Variants in ITSN1 observed in about 807,000 individuals in gnomAD.
The protein encoded by ITSN1 is intersectin 1.
In ITSN1, 58 loss-of-function variants were observed where a neutral mutation model predicts 239.8. The ratio of observed to expected loss-of-function variants is 0.24; its 90% confidence interval spans 0.20 to 0.30. ITSN1 has a LOEUF of 0.30. ITSN1 is among the 10% of genes least tolerant of loss of function. ITSN1 has a pLI of 1.00. For synonymous variants in ITSN1, 780 were observed against 770.8 expected (o/e 1.01, Z -0.20); for missense variants, 1,558 against 2,103.3 (o/e 0.74, Z 5.07).
rs1377675883 is a variant in ITSN1 at position 33,834,414 on chromosome 21, A to G, written c.3459A>G (p.Ala1153=). 1.1e-5 allele frequency: 17 copies of G among 1,610,338 alleles called. No homozygotes were observed. The highest frequency in any genetic ancestry group is 1.4e-5 in the Non-Finnish European group (17 of 1,177,304). Residue 1153 remains alanine (A), a synonymous_variant, in exon 28 of 40, where the codon GCA becomes GCG. Transcript: ENST00000381318. The stretch of plus-strand genomic sequence containing the variant: ...CAACAGAGCCACCTAAGTCAACAGC[A>G]TTAGCGGCAGGTAAGGAGTTTCGCA... ...ITPTEPPKST[A]LAAVCQVIGM...
chr21:33,766,701 T>C (rs2068743292), intron 10 of ITSN1, among the ~76,000 whole-genome samples: 1 of 152,204 alleles, frequency 6.6e-6, no homozygotes, highest in Admixed American at 6.5e-5. Context: ...AATAGAGCCA[T>C]TACTGTCAGC....
intron 1 of ITSN1, among the ~76,000 whole-genome samples, chr21:33,676,491 G>A (rs1190584656): frequency 6.6e-6 from 1 of 152,134 alleles, no homozygotes; most frequent in Non-Finnish European, 1.5e-5. Context: ...GCCTTTCAAA[G>A]CGCTGGGATT....
intron 29 of ITSN1, among the ~76,000 whole-genome samples, chr21:33,844,539 G>T (rs1227401191): frequency 6.6e-6 from 1 of 152,156 alleles, no homozygotes; most frequent in African/African-American, 2.4e-5. Context: ...CAATCATCCA[G>T]CTTAGATAAG....
chr21:33,874,861 A>C (rs1209655142), intron 33 of ITSN1, among the ~76,000 whole-genome samples: 7 of 151,950 alleles, frequency 4.6e-5, no homozygotes, highest in African/African-American at 1.5e-4. Context: ...GTTGGCCAGG[A>C]TGGTCTCGAT....
At chr21:33,650,391 C>T (rs1016071548) in intron 1 of ITSN1, among the ~76,000 whole-genome samples, 4 of 152,078 alleles carry the variant, frequency 2.6e-5, no homozygotes, top group Non-Finnish European at 5.9e-5. Flanking sequence ...TGGAGCCATT[C>T]GTTTTGTGTG....
rs1985056519 is a variant in ITSN1, at chr21:33,882,213, T to C, written c.4342-30T>C. ...TTCAGATGCGGAGAAACAAAAATGC[T>C]ACACTTTGGGTTTTGTTTTCCTTTC... On this transcript the variant is annotated intron_variant, in intron 34 of 39. Coordinates refer to ENST00000381318, the MANE Select transcript of ITSN1 (RefSeq NM_003024.3). This position sits in a 1 kb window ranked among gnomAD's most constrained non-coding sequence, Gnocchi z 4.5. 1 of 1,599,342 alleles carries C rather than the reference T, an allele frequency of 6.3e-7. No individual in the cohort carries two copies. Among genetic ancestry groups the C allele is most frequent in the South Asian group, 1.1e-5 (1 of 90,078 alleles).
chr21:33,737,399 TGAAGGA>T (rs1330021311), intron 5 of ITSN1, among the ~76,000 whole-genome samples: 1 of 152,192 alleles, frequency 6.6e-6, no homozygotes, highest in African/African-American at 2.4e-5. Context: ...GGCTAAACCA[TGAAGGA>T]TATCAGAACA....
chr21:33,779,361 A>T (rs2069954659), intron 14 of ITSN1, among the ~76,000 whole-genome samples: 1 of 152,088 alleles, frequency 6.6e-6, no homozygotes, highest in African/African-American at 2.4e-5. Flanking sequence ...CAAATTTTTA[A>T]TATGTTGCAT....
intron 29 of ITSN1, among the ~76,000 whole-genome samples, chr21:33,848,368 C>G (rs1250535333): frequency 6.6e-6 from 1 of 152,186 alleles, no homozygotes; most frequent in Non-Finnish European, 1.5e-5. Flanking sequence ...TCAGGAGGAA[C>G]CAGCCCTGTT....
At chr21:33,713,828 CTTT>C (rs35226795) in intron 1 of ITSN1, among the ~76,000 whole-genome samples, 2 of 89,364 alleles carry the variant, frequency 2.2e-5, no homozygotes, top group Non-Finnish European at 1.9e-5. Context: ...CCAGCCTCAT[CTTT>C]TTTTTTTTTT....
intron 1 of ITSN1, among the ~76,000 whole-genome samples, chr21:33,652,339 T>A (rs911711112): frequency 5.3e-5 from 8 of 152,154 alleles, no homozygotes; most frequent in Non-Finnish European, 8.8e-5. Context: ...CACTTTTTAT[T>A]GTTAACACAC....
At chr21:33,830,564 G>C (rs1293474901) in intron 27 of ITSN1, among the ~76,000 whole-genome samples, 1 of 152,082 alleles carries the variant, frequency 6.6e-6, no homozygotes, top group African/African-American at 2.4e-5. Flanking sequence ...AAAACCGTCA[G>C]GATCATAAAA....
At chr21:33,705,414 G>A (rs1332931801) in intron 1 of ITSN1, among the ~76,000 whole-genome samples, 1 of 152,116 alleles carries the variant, frequency 6.6e-6, no homozygotes, top group Non-Finnish European at 1.5e-5. Flanking sequence ...TTGAGACAGA[G>A]TCTCGCTCTA....
In ITSN1 at chr21:33,893,268, G is replaced by A. The variant is rs1317540773; in HGVS notation, c.*4968G>A. ...TTTTGAATGGTTCCGATCAATTAAT[G>A]TTGCTTTGTGTGGGGTTCTTCAGAG... On this transcript the variant is annotated 3_prime_UTR_variant, in exon 40 of 40. Coordinates refer to ENST00000381318, the MANE Select transcript of ITSN1 (RefSeq NM_003024.3). 6.6e-6 allele frequency: 1 copy of A among 152,236 alleles called. No individual in the cohort carries two copies. Among genetic ancestry groups the A allele is most frequent in the African/African-American group, 2.4e-5 (1 of 41,448 alleles). The allele number at this position is 152,236 out of a possible 1,614,324, so 9.4% of individuals were successfully genotyped here. A position where few individuals can be genotyped will look rare whatever the true frequency, so the allele number is the denominator to read the frequency against.
chr21:33,752,927 A>G (rs2067656524), intron 7 of ITSN1, among the ~76,000 whole-genome samples: 1 of 152,204 alleles, frequency 6.6e-6, no homozygotes, highest in Admixed American at 6.5e-5. Context: ...AGAGAAAAGC[A>G]TGTTGAATAT....
In ITSN1 at chr21:33,690,775, G is replaced by GTATA. The variant is rs1160314187; in HGVS notation, c.-32-28011_-32-28008dup. On this transcript the variant is annotated intron_variant, in intron 1 of 39. Transcript: ENST00000381318. Reference sequence around the variant, plus strand: ...GGCTCTGCCTCAGAAAAAAAAAAGTGTATATATATATATACATATATATAT... The same window carrying GTATA: ...GGCTCTGCCTCAGAAAAAAAAAAGTGTATATATATATATATATACATATATATAT... Among the ~76,000 whole-genome samples the GTATA allele has an allele frequency of 1.3e-3, 28 of 21,620 alleles. 4 individuals carry two copies. The highest frequency in any genetic ancestry group is 1.9e-3 in the Non-Finnish European group (20 of 10,676). The allele number at this position is 21,620 out of a possible 152,430, so 14.2% of individuals were successfully genotyped here. A position where few individuals can be genotyped will look rare whatever the true frequency, so the allele number is the denominator to read the frequency against.
At chr21:33,785,154 C>G (rs1415469914) in intron 16 of ITSN1, among the ~76,000 whole-genome samples, 4 of 152,182 alleles carry the variant, frequency 2.6e-5, no homozygotes, top group Non-Finnish European at 4.4e-5. Flanking sequence ...TACTGTAACA[C>G]TGGAGGAATA....
intron 30 of ITSN1, among the ~76,000 whole-genome samples, chr21:33,857,308 C>G (rs1316842878): frequency 6.6e-6 from 1 of 152,244 alleles, no homozygotes; most frequent in Non-Finnish European, 1.5e-5. Flanking sequence ...TGAGACAAAC[C>G]TGTCACTGAG....
At chr21:33,856,318 T>A (rs1457448645) in intron 29 of ITSN1, among the ~76,000 whole-genome samples, 1 of 152,094 alleles carries the variant, frequency 6.6e-6, no homozygotes, top group Non-Finnish European at 1.5e-5. Flanking sequence ...CAATAAGAAT[T>A]TATTGCCATA....
Sources: gnomAD v4.1 joint callset for allele counts (sites outside exome capture counted in the v4.1 genomes callset) on GRCh38, gnomAD v4.1.1 for gene constraint, Gnocchi (gnomAD v3.1) non-coding constraint, MANE v1.5 for transcripts, NCBI Gene and HGNC (gene_info 2026-07-23, HGNC 2026-07-21) for gene names.